Variants in STOX2 observed in about 807,000 individuals in gnomAD.
STOX2 encodes storkhead-box protein 2.
Under a neutral mutation model 60.9 loss-of-function variants are expected in STOX2, and 28 were observed. The ratio of observed to expected loss-of-function variants is 0.46; its 90% CI spans 0.34 to 0.63. The LOEUF (loss-of-function observed/expected upper bound fraction) is 0.63. STOX2 is among the 30% of genes least tolerant of loss of function. The pLI is 0.01. For missense variants in STOX2, 1,024 were observed against 1,187.7 expected, an observed-to-expected ratio of 0.86 and a Z score of 2.03; for synonymous variants, 472 against 463.9, an observed-to-expected ratio of 1.02 and a Z score of -0.22.
At chr4:183,969,900 G>A (rs148830752) in intron 1 of STOX2, among the ~76,000 whole-genome samples, 2,009 of 152,260 alleles carry the variant, frequency 0.013, 50 homozygotes, top group African/African-American at 0.046. Flanking sequence ...GAGATTCCAG[G>A]CGTGAGCCAC....
At chr4:183,888,261 T>G (rs774963286) in intron 1 of STOX2, among the ~76,000 whole-genome samples, 1 of 152,192 alleles carries the variant, frequency 6.6e-6, no homozygotes, top group Non-Finnish European at 1.5e-5. Flanking sequence ...TTACTAATAG[T>G]AGCTAACATT....
intron 1 of STOX2, among the ~76,000 whole-genome samples, chr4:183,857,993 G>T (rs1191861428): frequency 6.6e-6 from 1 of 152,170 alleles, no homozygotes; most frequent in African/African-American, 2.4e-5. Flanking sequence ...CCAGGCATTG[G>T]AGTAGAAGGA....
intron 1 of STOX2, among the ~76,000 whole-genome samples, chr4:183,867,166 G>A (rs554972871): frequency 3.9e-5 from 6 of 152,174 alleles, no homozygotes; most frequent in African/African-American, 1.4e-4. Context: ...TGACATGTTC[G>A]CCCTCTCTAT....
Position 183,809,838 on chromosome 4 carries a change from A to G in STOX2, c.364+11783A>G, listed in dbSNP as rs533550091. Among the ~76,000 whole-genome samples the G allele has an allele frequency of 3.3e-5, 5 of 152,324 alleles. No individual in the cohort carries two copies. The South Asian group carries it at 1.0e-3, about 32-fold the overall frequency. On this transcript the variant is annotated intron_variant, in intron 1 of 2. Transcript: ENST00000513034. ...TTACCGTTGTATCTTTTCCTTTAGTACACTTATTTTGCATTTGCTATTTTT... is the reference window on the plus strand; with the variant it reads ...TTACCGTTGTATCTTTTCCTTTAGTGCACTTATTTTGCATTTGCTATTTTT...
At chr4:183,852,693 C>T (rs1024403095) in intron 1 of STOX2, among the ~76,000 whole-genome samples, 2 of 152,152 alleles carry the variant, frequency 1.3e-5, no homozygotes, top group African/African-American at 2.4e-5. Context: ...TTTTTTTCTG[C>T]ATTTAGCGGT....
chr4:183,902,267 T>G (rs1160421348), upstream of STOX2, among the ~76,000 whole-genome samples: 1 of 152,218 alleles, frequency 6.6e-6, no homozygotes, highest in Non-Finnish European at 1.5e-5. Context: ...TGAAGAGGAT[T>G]TCAAGTCAAA....
At chr4:183,805,051 C>T (rs530083419) in intron 1 of STOX2, among the ~76,000 whole-genome samples, 5 of 152,182 alleles carry the variant, frequency 3.3e-5, no homozygotes, top group Non-Finnish European at 7.3e-5. Context: ...TAGATGCTTT[C>T]TGTTCCTGAG....
intron 1 of STOX2, among the ~76,000 whole-genome samples, chr4:183,973,811 T>TG (rs767536883): frequency 2.0e-5 from 3 of 152,140 alleles, no homozygotes; most frequent in Non-Finnish European, 2.9e-5. Flanking sequence ...CTGGCTAACA[T>TG]GGGGAAACCC....
intron 1 of STOX2, among the ~76,000 whole-genome samples, chr4:183,925,704 A>T (rs1742223975): frequency 6.6e-6 from 1 of 152,222 alleles, no homozygotes; most frequent in Admixed American, 6.5e-5. Context: ...CTAATTTGGG[A>T]TAATTGGGAG....
At position 183,956,779 on chromosome 4, in the gene STOX2, T is replaced by TGGG. The variant is rs547781471; in HGVS notation, c.167-44545_167-44544insGGG. 1.7e-3 allele frequency among the ~76,000 whole-genome samples: 265 copies of TGGG among 152,216 alleles called. 2 individuals carry two copies. The highest frequency in any genetic ancestry group is 6.0e-3 in the African/African-American group (250 of 41,524). ...CTAAGGATCACATGTTATATTGACT[T>TGGG]GCATTTCTTCAGCTTCTTTTAATGT... On this transcript the variant is annotated intron_variant, in intron 1 of 3. Coordinates refer to ENST00000308497, the MANE Select transcript of STOX2 (RefSeq NM_020225.3).
rs1738891408 is a variant in STOX2 at position 183,806,440 on chromosome 4, T to C, written c.364+8385T>C. On this transcript the variant is annotated intron_variant, in intron 1 of 2. Coordinates refer to the STOX2 transcript ENST00000513034. This position sits in a 1 kb window ranked among gnomAD's most constrained non-coding sequence, Gnocchi z 4.1. ...AGCTCACGGAGGGCTTCCTGGTGTC[T>C]TGAAGGGGTGGAATCCAGTCTGGGG... 1.3e-5 allele frequency among the ~76,000 whole-genome samples: 2 copies of C among 152,138 alleles called. No individual in the cohort carries two copies. The highest frequency in any genetic ancestry group is 1.3e-4 in the Admixed American group (2 of 15,278).
chr4:183,853,407 G>T (rs1003972598), intron 1 of STOX2: 2 of 152,176 alleles, frequency 1.3e-5, no homozygotes, highest in Non-Finnish European at 2.9e-5. Flanking sequence ...CACTACAGGA[G>T]AGTGTGGGAA....
intron 1 of STOX2, among the ~76,000 whole-genome samples, chr4:183,940,969 A>T (rs935632670): frequency 6.6e-6 from 1 of 152,254 alleles, no homozygotes; most frequent in Admixed American, 6.5e-5. Context: ...TTCAGGAGAG[A>T]CAAAGCTTGC....
intron 1 of STOX2, among the ~76,000 whole-genome samples, chr4:183,999,512 T>C (rs1733494155): frequency 6.6e-6 from 1 of 152,142 alleles, no homozygotes; most frequent in Non-Finnish European, 1.5e-5. Flanking sequence ...CTTATCCTCC[T>C]CATATCCATC....
At chr4:183,834,133 T>G (rs1739646515) in intron 1 of STOX2, among the ~76,000 whole-genome samples, 1 of 151,386 alleles carries the variant, frequency 6.6e-6, no homozygotes, top group South Asian at 2.1e-4. Context: ...TACAGCAGTG[T>G]TACTTGCTTC....
intron 1 of STOX2, among the ~76,000 whole-genome samples, chr4:183,840,409 G>T (rs571482890): frequency 1.3e-5 from 2 of 152,284 alleles, no homozygotes; most frequent in South Asian, 4.1e-4. Flanking sequence ...TTCTTTAGGT[G>T]GTTGGCCACC....
chr4:183,849,272 T>C (rs1740053914), intron 1 of STOX2, among the ~76,000 whole-genome samples: 1 of 152,150 alleles, frequency 6.6e-6, no homozygotes, highest in Non-Finnish European at 1.5e-5. Flanking sequence ...TTGACTAAAA[T>C]TGAGACTTTA....
intron 1 of STOX2, among the ~76,000 whole-genome samples, chr4:183,870,346 C>A (rs908096586): frequency 2.6e-5 from 4 of 152,132 alleles, no homozygotes; most frequent in African/African-American, 9.7e-5. Context: ...GTTGTTCAAC[C>A]CTAAAACCAT....
intron 1 of STOX2, among the ~76,000 whole-genome samples, chr4:183,850,280 T>C (rs1176230651): frequency 6.6e-6 from 1 of 152,048 alleles, no homozygotes; most frequent in Non-Finnish European, 1.5e-5. Flanking sequence ...GCCTGCATTT[T>C]CTTAAATGCT....
Sources: allele counts gnomAD v4.1 joint callset (sites outside exome capture counted in the v4.1 genomes callset), GRCh38; gene constraint gnomAD v4.1.1; non-coding constraint Gnocchi (gnomAD v3.1); transcripts MANE v1.5; gene names NCBI Gene and HGNC (gene_info 2026-07-23, HGNC 2026-07-21).